Variants in TEAD1 observed in about 807,000 individuals in gnomAD.
TEAD1 encodes transcriptional enhancer factor TEF-1.
In TEAD1, 9 loss-of-function variants were observed where a neutral mutation model predicts 54.9. That is an observed-to-expected ratio of 0.16 (90% CI 0.10 to 0.29). The LOEUF is 0.29. Ranked by LOEUF, TEAD1 falls within the 10% of genes least tolerant of loss-of-function variation. The pLI is 1.00. For synonymous variants in TEAD1, 200 were observed against 187.8 expected (o/e 1.07, Z -0.53); for missense variants, 387 against 535.9 (o/e 0.72, Z 2.74).
At chr11:12,831,809 G>T (rs2134018446) in intron 3 of TEAD1, among the ~76,000 whole-genome samples, 1 of 151,736 alleles carries the variant, frequency 6.6e-6, no homozygotes, top group South Asian at 2.1e-4. Context: ...TAGAGTCTCA[G>T]TTTGCCTATA....
chr11:12,713,355 C>T (rs893804449), intron 2 of TEAD1, among the ~76,000 whole-genome samples: 4 of 152,196 alleles, frequency 2.6e-5, no homozygotes, highest in Admixed American at 6.5e-5. Context: ...TCCTCAAACC[C>T]GTGCCCACAT....
At chr11:12,903,016 G>A (rs529595146) in intron 10 of TEAD1, among the ~76,000 whole-genome samples, 1 of 152,266 alleles carries the variant, frequency 6.6e-6, no homozygotes, top group East Asian at 1.9e-4. Flanking sequence ...ATTGTTTGGA[G>A]GTGTCCCCCT....
chr11:12,706,317 A>G (rs529288972), intron 2 of TEAD1, among the ~76,000 whole-genome samples: 1 of 152,282 alleles, frequency 6.6e-6, no homozygotes, highest in South Asian at 2.1e-4. Context: ...TTCCTGTTGC[A>G]CTTCTTCAGG....
intron 2 of TEAD1, among the ~76,000 whole-genome samples, chr11:12,740,533 T>C (rs1303378684): frequency 6.6e-6 from 1 of 152,192 alleles, no homozygotes; most frequent in Non-Finnish European, 1.5e-5. Flanking sequence ...AAAAGAGGTT[T>C]GTCTCACAGT....
intron 3 of TEAD1, among the ~76,000 whole-genome samples, chr11:12,852,033 A>T (rs1947285074): frequency 6.6e-6 from 1 of 152,192 alleles, no homozygotes; most frequent in Non-Finnish European, 1.5e-5. Flanking sequence ...GACATTGGGG[A>T]GGAAGTGTTC....
intron 9 of TEAD1, among the ~76,000 whole-genome samples, chr11:12,898,894 C>T: frequency 6.6e-6 from 1 of 152,236 alleles, no homozygotes; most frequent in Admixed American, 6.5e-5. Context: ...GCTGTACCTT[C>T]ATGGTCCCCA....
At chr11:12,880,841 G>A (rs1947951040) in intron 6 of TEAD1, among the ~76,000 whole-genome samples, 164 bp from the exon 7 acceptor site, 1 of 152,236 alleles carries the variant, frequency 6.6e-6, no homozygotes, top group Non-Finnish European at 1.5e-5. Flanking sequence ...AAGGATATAG[G>A]TTGTGGTCTC....
chr11:12,827,135 A>C (rs995956013), intron 3 of TEAD1, among the ~76,000 whole-genome samples: 3 of 152,218 alleles, frequency 2.0e-5, no homozygotes, highest in Non-Finnish European at 2.9e-5. Context: ...GTAGTGAAGA[A>C]TTAAGTGAGA....
chr11:12,800,162 G>A (rs753718990), intron 3 of TEAD1, among the ~76,000 whole-genome samples: 3 of 152,120 alleles, frequency 2.0e-5, no homozygotes, highest in Non-Finnish European at 2.9e-5. Flanking sequence ...CCCATCTGTC[G>A]TGCCAGTATA....
chr11:12,824,453 A>G (rs773030474), intron 3 of TEAD1, among the ~76,000 whole-genome samples: 5 of 152,182 alleles, frequency 3.3e-5, no homozygotes, highest in South Asian at 2.1e-4. Context: ...TTGCTGGGGA[A>G]TCTAAACTTT....
intron 3 of TEAD1, among the ~76,000 whole-genome samples, chr11:12,798,410 T>C (rs1296709807): frequency 6.6e-6 from 1 of 152,222 alleles, no homozygotes; most frequent in Non-Finnish European, 1.5e-5. Context: ...AATGTGCTGG[T>C]GTTCTATTTC....
At chr11:12,714,973 C>G (rs569576786) in intron 2 of TEAD1, among the ~76,000 whole-genome samples, 1 of 152,114 alleles carries the variant, frequency 6.6e-6, no homozygotes, top group Non-Finnish European at 1.5e-5. Context: ...GTTCAACATA[C>G]GATTTTTTTG....
chr11:12,718,637 TAATG>T (rs1467245143), intron 2 of TEAD1, among the ~76,000 whole-genome samples: 4 of 152,248 alleles, frequency 2.6e-5, no homozygotes, highest in East Asian at 3.9e-4. Context: ...TGTGTAATAA[TAATG>T]TGCTGATTTT....
intron 3 of TEAD1, among the ~76,000 whole-genome samples, chr11:12,807,873 C>G (rs1946210547): frequency 6.6e-6 from 1 of 152,152 alleles, no homozygotes; most frequent in Non-Finnish European, 1.5e-5. Flanking sequence ...GTTGCTGTGT[C>G]CCCGCCTTCC....
At chr11:12,692,836 A>T (rs1296950262) in intron 2 of TEAD1, among the ~76,000 whole-genome samples, 1 of 152,230 alleles carries the variant, frequency 6.6e-6, no homozygotes, top group Non-Finnish European at 1.5e-5. Flanking sequence ...CCAGCCATGC[A>T]GCGCCTGCCA....
intron 3 of TEAD1, among the ~76,000 whole-genome samples, chr11:12,842,184 C>T (rs1050849544): frequency 6.6e-6 from 1 of 152,138 alleles, no homozygotes; most frequent in Non-Finnish European, 1.5e-5. Flanking sequence ...ACTCACTGAA[C>T]GTTCTCAGGG....
At chr11:12,848,105 T>A (rs531761399) in intron 3 of TEAD1, among the ~76,000 whole-genome samples, 11 of 152,270 alleles carry the variant, frequency 7.2e-5, no homozygotes, top group Admixed American at 2.0e-4. Flanking sequence ...CCTGAGTACA[T>A]CTATCCATCT....
chr11:12,866,378 C>T (rs1362154829), intron 5 of TEAD1, among the ~76,000 whole-genome samples: 1 of 152,204 alleles, frequency 6.6e-6, no homozygotes, highest in African/African-American at 2.4e-5. Context: ...CACCAGGGCA[C>T]ACAGCCTTAG....
intron 3 of TEAD1, among the ~76,000 whole-genome samples, chr11:12,772,106 G>A (rs1945324414): frequency 6.6e-6 from 1 of 152,166 alleles, no homozygotes; most frequent in Non-Finnish European, 1.5e-5. Context: ...CAGAGAATGA[G>A]GCTAACATTT....
Sources: gnomAD v4.1 joint callset for allele counts (sites outside exome capture counted in the v4.1 genomes callset) on GRCh38, gnomAD v4.1.1 for gene constraint, MANE v1.5 for transcripts, NCBI Gene and HGNC (gene_info 2026-07-23, HGNC 2026-07-21) for gene names.